FLYWCH1: variants seen among roughly 807,000 people sequenced by gnomAD.
FLYWCH1 encodes the protein FLYWCH-type zinc finger-containing protein 1.
FLYWCH1 carries 75 observed loss-of-function variants against 66.4 expected under a neutral mutation model. The observed-to-expected ratio is 1.13, with a 90% CI of 0.94 to 1.37. The LOEUF (loss-of-function observed/expected upper bound fraction) is 1.37. Ranked by LOEUF, FLYWCH1 falls within the 40% of genes most tolerant of loss-of-function variation. The pLI is 0.00. For synonymous variants in FLYWCH1, 595 were observed against 429.9 expected, an observed-to-expected ratio of 1.38 and a Z score of -4.75; for missense variants, 1,334 against 1,001.8, an observed-to-expected ratio of 1.33 and a Z score of -4.48.
At chr16:2,936,650 G>T (rs915254674) in intron 6 of FLYWCH1, 4 of 458,754 alleles carry the variant, frequency 8.7e-6, no homozygotes, top group South Asian at 3.1e-5. Context: ...GACAGTGGAC[G>T]CTGCTCCCTG....
At chr16:2,934,319 T>G (rs1040312491) in intron 6 of FLYWCH1, among the ~76,000 whole-genome samples, 1 of 152,300 alleles carries the variant, frequency 6.6e-6, no homozygotes, top group East Asian at 1.9e-4. Flanking sequence ...GTCTCGTTGC[T>G]ATGGTGGAAG....
intron 6 of FLYWCH1, chr16:2,936,392 G>C (rs918442280): frequency 4.4e-6 from 2 of 456,388 alleles, no homozygotes; most frequent in Non-Finnish European, 8.8e-6. Flanking sequence ...TGCTCCACAT[G>C]GCCCCTGCCC....
At chr16:2,912,797 C>T (rs375266503) in intron 1 of FLYWCH1, among the ~76,000 whole-genome samples, 10 of 152,226 alleles carry the variant, frequency 6.6e-5, no homozygotes, top group African/African-American at 2.4e-4. Flanking sequence ...AGTTGAAACC[C>T]TCGCTCTAAA....
chr16:2,935,949 G>A lies in FLYWCH1; in HGVS notation c.1514-1172G>A, dbSNP rs564295820. ...TTTTTGAGACAGTTTCACTCTTGTC[G>A]CCCAGGCTGGAGTGTAGTGGCGTGG... On this transcript the variant is annotated intron_variant, in intron 6 of 9. Transcript: ENST00000253928. 166 of 149,936 alleles carry A rather than the reference G, an allele frequency of 1.1e-3. 2 individuals are homozygous for A. Among genetic ancestry groups the A allele is most frequent in the Admixed American group, 6.3e-3 (95 of 15,136 alleles). The allele number at this position is 149,936 out of a possible 1,614,324, so 9.3% of individuals were successfully genotyped here. A position where few individuals can be genotyped will look rare whatever the true frequency, so the allele number is the denominator to read the frequency against.
chr16:2,925,636 G>T (rs901010714), intron 2 of FLYWCH1, among the ~76,000 whole-genome samples: 1 of 151,446 alleles, frequency 6.6e-6, no homozygotes, highest in Non-Finnish European at 1.5e-5. Flanking sequence ...CGCTCTGCTC[G>T]AGAGGCGCCT....
At chr16:2,948,660 C>T (rs2071583545) in intron 9 of FLYWCH1, 28 bp from the exon 10 acceptor site, 6 of 1,610,150 alleles carry the variant, frequency 3.7e-6, no homozygotes, top group East Asian at 2.2e-5. Context: ...TTGATGTGTG[C>T]AATGAACATG....
Position 2,949,417 on chromosome 16 carries a change from T to C in FLYWCH1, c.*690T>C, listed in dbSNP as rs1440658288. 6.6e-6 allele frequency: 1 copy of C among 152,414 alleles called. No homozygotes were observed. Among genetic ancestry groups the C allele is most frequent in the Non-Finnish European group, 1.5e-5 (1 of 68,272 alleles). 9.4% of individuals were successfully genotyped at this position (152,414 alleles called of 1,614,324 possible). ...GCGTCATTCCCGAGATGGGAGCCAGTCCAGGGGTCAGCAGGAGCCAGCGCT... is the reference window on the plus strand; with the variant it reads ...GCGTCATTCCCGAGATGGGAGCCAGCCCAGGGGTCAGCAGGAGCCAGCGCT... On this transcript the variant is annotated 3_prime_UTR_variant, in exon 10 of 10. Transcript: ENST00000253928.
At chr16:2,934,578 C>A in intron 6 of FLYWCH1, 1 of 448,824 alleles carries the variant, frequency 2.2e-6, no homozygotes. Context: ...TTCATCGTGG[C>A]CTCCTCCACT....
chr16:2,921,351 C>CT (rs34365244), intron 2 of FLYWCH1, among the ~76,000 whole-genome samples: 52 of 137,790 alleles, frequency 3.8e-4, no homozygotes, highest in South Asian at 1.4e-3. Flanking sequence ...AATTTTAGGA[C>CT]TTTTTTTTTT....
In FLYWCH1 at chr16:2,920,273, T is replaced by C. The variant is rs139520501; in HGVS notation, c.-74+5984T>C. 1.8e-3 allele frequency among the ~76,000 whole-genome samples: 267 copies of C among 152,120 alleles called. 2 individuals carry two copies. The highest frequency in any genetic ancestry group is 6.0e-3 in the African/African-American group (249 of 41,536). On this transcript the variant is annotated intron_variant, in intron 2 of 9. Transcript: ENST00000253928. ...TAGAGCACCTGTAATCCCAGCACTT[T>C]AGGAGGCAGGTAGGTAACTAGAGGC...
At chr16:2,935,418 G>GCA (rs903988083) in intron 6 of FLYWCH1, 3 of 152,296 alleles carry the variant, frequency 2.0e-5, no homozygotes, top group Non-Finnish European at 4.4e-5. Context: ...ACCTCCCAGT[G>GCA]CAGCCTGGCC....
Position 2,937,371 on chromosome 16 carries a change from G to A in FLYWCH1, c.1764G>A (p.Gln588=), listed in dbSNP as rs531216689. The A allele has an allele frequency of 1.3e-6, 2 of 1,575,090 alleles. No homozygotes were observed. The highest frequency in any genetic ancestry group is 2.7e-5 in the African/African-American group (2 of 74,414). The change falls in exon 7 of 10, where the codon CAG becomes CAA. Residue 588 remains glutamine (Q), a synonymous_variant. Coordinates refer to ENST00000253928, the MANE Select transcript of FLYWCH1 (RefSeq NM_001308068.2). ...GGGAGCACTTCCCCAACCTGGCGCA[G>A]TGGGACAGCCCAGGTGCGTGTGGAG... ...RQREHFPNLA[Q]WDSPDPLRPL...
At chr16:2,947,543 C>A (rs759377840) in intron 9 of FLYWCH1, among the ~76,000 whole-genome samples, 1 of 152,052 alleles carries the variant, frequency 6.6e-6, no homozygotes, top group Non-Finnish European at 1.5e-5. Flanking sequence ...GGTGGATCAC[C>A]TGAGTTCAGG....
chr16:2,912,230 G>C (rs900732395), intron 1 of FLYWCH1, 76 bp downstream of exon 1: 2 of 152,336 alleles, frequency 1.3e-5, no homozygotes, highest in African/African-American at 4.8e-5. Context: ...GCTCTCCCGG[G>C]GGTCCCGAGG....
chr16:2,944,281 T>C (rs1316007054), intron 9 of FLYWCH1, among the ~76,000 whole-genome samples: 1 of 151,362 alleles, frequency 6.6e-6, no homozygotes, highest in Non-Finnish European at 1.5e-5. Flanking sequence ...TCCCAGCTAC[T>C]TGGGAGGCTG....
chr16:2,934,008 C>G, intron 6 of FLYWCH1, 29 bp downstream of exon 6: 1 of 1,493,496 alleles, frequency 6.7e-7, no homozygotes, highest in Non-Finnish European at 8.9e-7. Flanking sequence ...GGAGCTGGGC[C>G]CCAGGAAGCA....
intron 4 of FLYWCH1, among the ~76,000 whole-genome samples, chr16:2,931,706 A>G (rs963305945): frequency 6.6e-5 from 10 of 151,718 alleles, no homozygotes; most frequent in African/African-American, 2.4e-4. Flanking sequence ...GCAGTGATTC[A>G]TGCCTGTAAT....
chr16:2,940,496 C>G (rs1409176207), intron 9 of FLYWCH1, among the ~76,000 whole-genome samples: 1 of 152,190 alleles, frequency 6.6e-6, no homozygotes, highest in Non-Finnish European at 1.5e-5. Context: ...AGTACAGCGG[C>G]ATGATCTCAG....
At chr16:2,927,102 G>T (rs1365386699) in intron 2 of FLYWCH1, among the ~76,000 whole-genome samples, 4 of 152,192 alleles carry the variant, frequency 2.6e-5, no homozygotes. Flanking sequence ...ACCTCAAGTG[G>T]TGTGTGCCAT....
Sources: allele counts gnomAD v4.1 joint callset (sites outside exome capture counted in the v4.1 genomes callset), GRCh38; gene constraint gnomAD v4.1.1; transcripts MANE v1.5; gene names NCBI Gene and HGNC (gene_info 2026-07-23, HGNC 2026-07-21).